DEPTOR: variants seen among roughly 807,000 people sequenced by gnomAD.
DEPTOR encodes the protein DEP domain-containing mTOR-interacting protein.
A neutral mutation model predicts 41.6 loss-of-function variants in DEPTOR; 41 were observed. The observed-to-expected ratio is 0.98, with a 90% CI of 0.77 to 1.28. The LOEUF (loss-of-function observed/expected upper bound fraction) is 1.28. Ranked by LOEUF, DEPTOR falls within the 50% of genes most tolerant of loss-of-function variation. The pLI is 0.00. For missense variants in DEPTOR, 514 were observed against 527.9 expected (o/e 0.97, Z 0.26); for synonymous variants, 195 against 192.3 (o/e 1.01, Z -0.12).
rs181373351 is a variant in DEPTOR, at chr8:119,963,662, T to C, written c.426-1570T>C. On this transcript the variant is annotated intron_variant, in intron 3 of 8. Transcript: ENST00000286234. ...TACCAATCCTGGACCCATATACTGG[T>C]ATTAAAGTCAACCAGAATAAGGACT... Among the ~76,000 whole-genome samples, 348 of 152,260 alleles carry C rather than the reference T, an allele frequency of 2.3e-3. 3 individuals are homozygous for C. The highest frequency in any genetic ancestry group is 8.1e-3 in the African/African-American group (336 of 41,566).
At chr8:119,992,358 C>A (rs1812186042) in intron 4 of DEPTOR, among the ~76,000 whole-genome samples, 1 of 152,150 alleles carries the variant, frequency 6.6e-6, no homozygotes, top group African/African-American at 2.4e-5. Context: ...ATCTTGCTGA[C>A]CTTCTTCTTC....
At chr8:119,888,121 T>C (rs543449018) in intron 1 of DEPTOR, among the ~76,000 whole-genome samples, 1 of 152,190 alleles carries the variant, frequency 6.6e-6, no homozygotes, top group Non-Finnish European at 1.5e-5. Context: ...GTACTGGGCC[T>C]CAGTTATTTA....
chr8:119,982,142 A>G (rs1227132600), intron 4 of DEPTOR, among the ~76,000 whole-genome samples: 2 of 151,534 alleles, frequency 1.3e-5, no homozygotes, highest in African/African-American at 4.8e-5. Context: ...TCAGGGAGAG[A>G]TTGGTTTCTA....
chr8:120,012,515 T>G (rs983682028), intron 8 of DEPTOR, among the ~76,000 whole-genome samples: 1 of 152,164 alleles, frequency 6.6e-6, no homozygotes, highest in African/African-American at 2.4e-5. Flanking sequence ...AATTTTTTTT[T>G]TAAAGCATTC....
At chr8:119,947,102 A>C (rs750406882) in intron 3 of DEPTOR, among the ~76,000 whole-genome samples, 8 of 152,188 alleles carry the variant, frequency 5.3e-5, no homozygotes, top group South Asian at 2.1e-4. Context: ...CTGTTAAGGT[A>C]AGTATTATTG....
chr8:119,876,958 C>G (rs904468663), intron 1 of DEPTOR, among the ~76,000 whole-genome samples: 1 of 152,202 alleles, frequency 6.6e-6, no homozygotes, highest in Non-Finnish European at 1.5e-5. Flanking sequence ...CTCTGCATCA[C>G]TGCATGTGAC....
intron 1 of DEPTOR, among the ~76,000 whole-genome samples, chr8:119,917,484 G>A (rs1427445275): frequency 1.3e-5 from 2 of 152,152 alleles, no homozygotes; most frequent in African/African-American, 4.8e-5. Context: ...ATGGATTAAG[G>A]GCTGTGCAAG....
chr8:119,873,755 G>A lies in DEPTOR; in HGVS notation c.-92G>A. 6.5e-7 allele frequency: 1 copy of A among 1,544,548 alleles called. No individual in the cohort carries two copies. Among genetic ancestry groups the A allele is most frequent in the Non-Finnish European group, 8.7e-7 (1 of 1,143,630 alleles). On this transcript the variant is annotated 5_prime_UTR_variant, in exon 1 of 9. The change abolishes an upstream ATG in the 5' untranslated region. Coordinates refer to ENST00000286234, the MANE Select transcript of DEPTOR (RefSeq NM_022783.4). The stretch of plus-strand genomic sequence containing the variant: ...CAGCGGAGCTGCCCCGAACAAAGAT[G>A]GCGCGGGAAGCGTCTGTGAGGGCAG...
chr8:119,901,675 CAAAAAA>C (rs36026315), intron 1 of DEPTOR, among the ~76,000 whole-genome samples: 1 of 88,296 alleles, frequency 1.1e-5, no homozygotes, highest in Admixed American at 1.2e-4. Flanking sequence ...GACTCTGTCT[CAAAAAA>C]AAAAAAAAAA....
intron 8 of DEPTOR, among the ~76,000 whole-genome samples, chr8:120,009,786 G>A (rs1812503096): frequency 6.6e-6 from 1 of 152,080 alleles, no homozygotes; most frequent in Non-Finnish European, 1.5e-5. Flanking sequence ...TTAAAATGAA[G>A]CCAAGCACAT....
At chr8:119,986,786 A>G (rs958651094) in intron 4 of DEPTOR, among the ~76,000 whole-genome samples, 2 of 151,332 alleles carry the variant, frequency 1.3e-5, no homozygotes, top group Admixed American at 6.6e-5. Context: ...TTGATCTTCA[A>G]TCTCTGATAT....
chr8:119,930,921 G>A (rs76379317), intron 3 of DEPTOR, among the ~76,000 whole-genome samples: 19 of 152,092 alleles, frequency 1.2e-4, no homozygotes, highest in African/African-American at 2.6e-4. Context: ...TGAAAAATAC[G>A]TATTTATCGG....
At chr8:119,889,472 A>C (rs1183775953) in intron 1 of DEPTOR, among the ~76,000 whole-genome samples, 1 of 149,974 alleles carries the variant, frequency 6.7e-6, no homozygotes, top group Non-Finnish European at 1.5e-5. Flanking sequence ...ACTTAAGCCC[A>C]GGAGGTCGAG....
intron 1 of DEPTOR, among the ~76,000 whole-genome samples, chr8:119,925,039 G>T (rs1827946547): frequency 1.3e-5 from 2 of 152,172 alleles, no homozygotes; most frequent in Admixed American, 1.3e-4. Context: ...ATGGCAGAAG[G>T]CAAAGGAAGA....
At chr8:119,894,384 T>TATTTATTTATTTATTTA (rs373518691) in intron 1 of DEPTOR, among the ~76,000 whole-genome samples, 2 of 46,414 alleles carry the variant, frequency 4.3e-5, no homozygotes, top group East Asian at 8.8e-3. Flanking sequence ...AATAGTTCTT[T>TATTTATTTATTTATTTA]TTTATTTATT....
chr8:120,020,339 C>T (rs1812681763), intron 8 of DEPTOR, among the ~76,000 whole-genome samples: 1 of 152,146 alleles, frequency 6.6e-6, no homozygotes, highest in Non-Finnish European at 1.5e-5. Flanking sequence ...CTTCAGTCTC[C>T]CAAAGTGCTG....
At chr8:119,928,357 C>T in intron 1 of DEPTOR, 43 bp from the exon 2 acceptor site, 2 of 1,588,838 alleles carry the variant, frequency 1.3e-6, no homozygotes, top group Non-Finnish European at 1.7e-6. Flanking sequence ...ATAATTTGTG[C>T]TGTCATCAGA....
intron 3 of DEPTOR, among the ~76,000 whole-genome samples, chr8:119,933,011 A>C (rs1201360255): frequency 1.2e-4 from 18 of 152,150 alleles, no homozygotes; most frequent in Non-Finnish European, 2.9e-5. Context: ...AGTTCATAAT[A>C]AGGCCCTTAA....
At chr8:120,009,986 G>C (rs1812505113) in intron 8 of DEPTOR, among the ~76,000 whole-genome samples, 1 of 152,112 alleles carries the variant, frequency 6.6e-6, no homozygotes, top group Non-Finnish European at 1.5e-5. Flanking sequence ...GTGTATTCCT[G>C]TGGGGTTTAT....
Sources: allele counts gnomAD v4.1 joint callset (sites outside exome capture counted in the v4.1 genomes callset), GRCh38; gene constraint gnomAD v4.1.1; transcripts MANE v1.5; gene names NCBI Gene and HGNC (gene_info 2026-07-23, HGNC 2026-07-21).